XPOT: variants seen among roughly 807,000 people sequenced by gnomAD.
XPOT encodes exportin for tRNA, also known as exportin-T.
A neutral mutation model predicts 128.2 loss-of-function variants in XPOT; 34 were observed. That is an observed-to-expected ratio of 0.27 (90% confidence interval 0.20 to 0.35). The LOEUF (loss-of-function observed/expected upper bound fraction) is 0.35. Among genes scored for constraint, XPOT ranks in the 10% least tolerant of loss-of-function variants. XPOT has a pLI of 1.00. For missense variants in XPOT, 838 were observed against 1,125.3 expected (o/e 0.74, Z 3.65); for synonymous variants, 348 against 394.3 (o/e 0.88, Z 1.39).
intron 4 of XPOT, among the ~76,000 whole-genome samples, chr12:64,417,694 G>C (rs185305858): frequency 6.6e-6 from 1 of 152,292 alleles, no homozygotes; most frequent in East Asian, 1.9e-4. Context: ...CAGAATCTCT[G>C]ACTTACTAAT....
At chr12:64,441,318 A>G (rs2040322758) in intron 23 of XPOT, among the ~76,000 whole-genome samples, 1 of 152,250 alleles carries the variant, frequency 6.6e-6, no homozygotes, top group Admixed American at 6.5e-5. Flanking sequence ...TCTGTTGTCC[A>G]GACTCAAGTG....
chr12:64,434,379 TC>T (rs912971388), intron 19 of XPOT, 127 bp from the exon 20 acceptor site: 3 of 636,624 alleles, frequency 4.7e-6, no homozygotes, highest in East Asian at 5.3e-5. Flanking sequence ...AATGCTTTTT[TC>T]CCCCTTCATT....
rs1484766245 is a variant in XPOT, at chr12:64,439,269, A to G, written c.2759A>G (p.Gln920Arg). 6.2e-6 allele frequency: 10 copies of G among 1,614,022 alleles called. No homozygotes were observed. Among genetic ancestry groups the G allele is most frequent in the Non-Finnish European group, 8.5e-6 (10 of 1,180,004 alleles). ...KRGPECVQYL[Q>R]QEYLPSLQVA... is the part of the protein sequence containing the mutation. ...GGCCCAGAATGTGTTCAGTATCTTC[A>G]ACAAGAATACCTGCCCTCCTTGCAA... Residue 920 changes from glutamine to arginine, a missense_variant, in exon 23 of 25, where the codon CAA (glutamine) becomes CGA (arginine). Physicochemically the swap from Gln to Arg is conservative, Grantham distance 43. Around this residue, in one of 3 missense-constraint regions of XPOT, gnomAD observed 56 missense variants for 79.2 expected, o/e 0.71. Coordinates refer to ENST00000332707, the MANE Select transcript of XPOT (RefSeq NM_007235.6).
In XPOT at chr12:64,431,947, C is replaced by T. The variant is rs2040242629; in HGVS notation, c.2262+124C>T. On this transcript the variant is annotated intron_variant, in intron 18 of 24. Coordinates refer to ENST00000332707, the MANE Select transcript of XPOT (RefSeq NM_007235.6). Reference sequence around the variant, plus strand: ...CTTTTAATGAATTACTTAAGAGCCTCATGGATCATATGTATTTTTATCATC... The same window carrying T: ...CTTTTAATGAATTACTTAAGAGCCTTATGGATCATATGTATTTTTATCATC... 6 of 931,268 alleles carry T rather than the reference C, an allele frequency of 6.4e-6. No homozygotes were observed. In the South Asian group the frequency reaches 6.8e-5, roughly 11 times the overall value. The allele number at this position is 931,268 out of a possible 1,614,324, so 57.7% of individuals were successfully genotyped here.
chr12:64,419,138 G>C (rs758683888), intron 6 of XPOT, 44 bp downstream of exon 6: 1 of 1,534,976 alleles, frequency 6.5e-7, no homozygotes, highest in Admixed American at 1.7e-5. Context: ...TGTAAGTTTT[G>C]TAGGTGATAA....
At chr12:64,422,915 A>C (rs1247206384) in intron 9 of XPOT, 90 bp from the exon 10 acceptor site, 3 of 1,381,450 alleles carry the variant, frequency 2.2e-6, no homozygotes, top group African/African-American at 2.9e-5. Flanking sequence ...AAAAAAAAAA[A>C]AAAACCAGGT....
At chr12:64,439,138 A>T (rs2040305348) in intron 22 of XPOT, 106 bp from the exon 23 acceptor site, 13 of 1,069,236 alleles carry the variant, frequency 1.2e-5, no homozygotes, top group Non-Finnish European at 1.7e-5. Flanking sequence ...TGTGTTCTTA[A>T]GCACAATACT....
intron 22 of XPOT, 47 bp from the exon 23 acceptor site, chr12:64,439,197 A>G (rs1416788264): frequency 1.3e-6 from 2 of 1,550,910 alleles, no homozygotes; most frequent in Non-Finnish European, 1.8e-6. Context: ...TTTTAAGCTT[A>G]TTAATGTCAA....
chr12:64,411,479 T>C (rs552262397), intron 2 of XPOT, among the ~76,000 whole-genome samples: 506 of 152,352 alleles, frequency 3.3e-3, no homozygotes, highest in Non-Finnish European at 5.7e-3. Flanking sequence ...AAATGTGCCA[T>C]GATTTCTTTT....
intron 19 of XPOT, 147 bp downstream of exon 19, chr12:64,433,750 A>C: frequency 1.5e-6 from 1 of 659,944 alleles, no homozygotes; most frequent in Non-Finnish European, 2.3e-6. Context: ...CAGGGTGGGA[A>C]TTGATCACTT....
intron 24 of XPOT, among the ~76,000 whole-genome samples, chr12:64,446,445 A>G (rs1275649172): frequency 6.6e-6 from 1 of 151,690 alleles, no homozygotes; most frequent in Non-Finnish European, 1.5e-5. Flanking sequence ...TTCTTTCCTC[A>G]TCTTCTCTCT....
chr12:64,444,255 T>A (rs2136040617), intron 23 of XPOT, among the ~76,000 whole-genome samples: 1 of 152,334 alleles, frequency 6.6e-6, no homozygotes, highest in East Asian at 1.9e-4. Context: ...CTCTCAGGCA[T>A]GAATCCACCT....
At chr12:64,445,751 C>T (rs1425903332) in intron 24 of XPOT, among the ~76,000 whole-genome samples, 2 of 152,142 alleles carry the variant, frequency 1.3e-5, no homozygotes, top group Non-Finnish European at 2.9e-5. Context: ...AATTTTCCCT[C>T]CCCATAAGGA....
chr12:64,409,683 T>A (rs945313699), intron 1 of XPOT: 1 of 195,712 alleles, frequency 5.1e-6, no homozygotes, highest in Admixed American at 5.7e-5. Context: ...TGCAGTGAGC[T>A]GATACGGTGC....
At chr12:64,406,162 C>T (rs141639983) in intron 1 of XPOT, among the ~76,000 whole-genome samples, 3 of 151,954 alleles carry the variant, frequency 2.0e-5, no homozygotes, top group Non-Finnish European at 1.5e-5. Flanking sequence ...TGCAACCTCC[C>T]CCTCCCGGGT....
chr12:64,410,154 C>A, intron 2 of XPOT, 59 bp downstream of exon 2: 1 of 1,537,638 alleles, frequency 6.5e-7, no homozygotes, highest in Non-Finnish European at 8.9e-7. Flanking sequence ...CATTAGAGGA[C>A]TTGAATAAAA....
rs750514031 is a variant in XPOT at position 64,431,596 on chromosome 12, G to A, written c.2035G>A (p.Val679Ile). 5 of 1,613,804 alleles carry A rather than the reference G, an allele frequency of 3.1e-6. No individual in the cohort carries two copies. The highest frequency in any genetic ancestry group is 4.2e-6 in the Non-Finnish European group (5 of 1,179,844). ...QTVKQCGCSE[V>I]YLDCLQTFLP... The stretch of plus-strand genomic sequence containing the variant: ...TGTGAAACAATGTGGCTGTTCCGAA[G>A]TTTATCTGGACTGTTTACAGACATT... Residue 679 changes from valine to isoleucine, a missense_variant, in exon 18 of 25, where the codon GTT becomes ATT. Physicochemically the swap from Val to Ile is conservative, Grantham distance 29. Around this residue, in one of 3 missense-constraint regions of XPOT, gnomAD observed 761 missense variants for 988.3 expected, o/e 0.77. Transcript: ENST00000332707.
intron 2 of XPOT, among the ~76,000 whole-genome samples, chr12:64,414,372 A>T (rs764245372): frequency 2.0e-5 from 3 of 152,198 alleles, no homozygotes; most frequent in African/African-American, 2.4e-5. Flanking sequence ...CTCCAATTTT[A>T]ATCTCTTTAG....
intron 23 of XPOT, among the ~76,000 whole-genome samples, chr12:64,440,473 C>T (rs866522486): frequency 2.6e-5 from 4 of 152,138 alleles, no homozygotes; most frequent in African/African-American, 9.7e-5. Flanking sequence ...TAGATAAATA[C>T]CCAGAAGTGG....
Sources: gnomAD v4.1 joint callset for allele counts (sites outside exome capture counted in the v4.1 genomes callset) on GRCh38, gnomAD v4.1.1 for gene constraint, gnomAD v4.1.1 regional missense constraint, MANE v1.5 for transcripts, NCBI Gene and HGNC (gene_info 2026-07-23, HGNC 2026-07-21) for gene names.